MRAP2: variants seen among roughly 807,000 people sequenced by gnomAD.
The protein encoded by MRAP2 is melanocortin-2 receptor accessory protein 2.
MRAP2 carries 20 observed loss-of-function variants against 17.4 expected under a neutral mutation model. The observed-to-expected ratio is 1.15, with a 90% CI of 0.81 to 1.67. The LOEUF (loss-of-function observed/expected upper bound fraction) is 1.67. Ranked by LOEUF, MRAP2 falls within the 40% of genes most tolerant of loss-of-function variation. MRAP2 has a pLI of 0.00. For missense variants in MRAP2, 238 were observed against 240.0 expected (o/e 0.99, Z 0.05); for synonymous variants, 96 against 88.4 (o/e 1.09, Z -0.48).
chr6:84,125,107 A>AC, the MRAP2 span: 1 of 1,613,220 alleles, frequency 6.2e-7, no homozygotes, highest in Non-Finnish European at 8.5e-7. Context: ...TGCAAAAGCA[A>AC]CTGGCACAAC....
chr6:84,119,542 T>C, the MRAP2 span, among the ~76,000 whole-genome samples: 1 of 152,188 alleles, frequency 6.6e-6, no homozygotes. Flanking sequence ...CTTAAATCAT[T>C]TATGCATTGC....
At chr6:84,112,711 C>A in the MRAP2 span, among the ~76,000 whole-genome samples, 13,517 of 152,140 alleles carry the variant, frequency 0.089, 724 homozygotes, top group Middle Eastern at 0.16. Flanking sequence ...GATTTTAGAT[C>A]TTTCCTGCTT....
At chr6:84,134,594 G>C in the MRAP2 span, among the ~76,000 whole-genome samples, 1 of 152,106 alleles carries the variant, frequency 6.6e-6, no homozygotes, top group Non-Finnish European at 1.5e-5. Context: ...CCTTGGCTAG[G>C]GGAGGGAGTT....
At chr6:84,115,679 T>C in the MRAP2 span, among the ~76,000 whole-genome samples, 6 of 152,244 alleles carry the variant, frequency 3.9e-5, no homozygotes, top group South Asian at 1.2e-3. Context: ...CTGCCCAGTT[T>C]TGTGCTGGAA....
intron 1 of MRAP2, among the ~76,000 whole-genome samples, chr6:84,042,772 A>G (rs1162393281): frequency 6.6e-6 from 1 of 152,218 alleles, no homozygotes; most frequent in Non-Finnish European, 1.5e-5. Context: ...TGGAGAAACC[A>G]CAAGAGCCAC....
the MRAP2 span, among the ~76,000 whole-genome samples, chr6:84,120,508 T>A: frequency 6.6e-6 from 1 of 152,242 alleles, no homozygotes; most frequent in Non-Finnish European, 1.5e-5. Context: ...GATTAAGGAA[T>A]AGGATGTGGC....
At chr6:84,145,945 C>T in the MRAP2 span, among the ~76,000 whole-genome samples, 2 of 152,090 alleles carry the variant, frequency 1.3e-5, no homozygotes, top group African/African-American at 4.8e-5. Context: ...CATAGAAATG[C>T]CTCTTATTAG....
the MRAP2 span, among the ~76,000 whole-genome samples, chr6:84,108,958 G>A: frequency 6.6e-6 from 1 of 151,918 alleles, no homozygotes; most frequent in South Asian, 2.1e-4. Flanking sequence ...TGTTTTTGTC[G>A]TTTGTTGAAG....
the MRAP2 span, among the ~76,000 whole-genome samples, chr6:84,111,589 G>T: frequency 0.027 from 4,144 of 152,042 alleles, 172 homozygotes; most frequent in African/African-American, 0.092. Context: ...TTTGAATACC[G>T]TTTATTTCTT....
chr6:84,139,126 CTA>C, the MRAP2 span, among the ~76,000 whole-genome samples: 1 of 152,190 alleles, frequency 6.6e-6, no homozygotes, highest in Non-Finnish European at 1.5e-5. Context: ...GAAAAGCTCT[CTA>C]TCCTCCTCTT....
At chr6:84,099,206 A>G in the MRAP2 span, among the ~76,000 whole-genome samples, 2 of 137,684 alleles carry the variant, frequency 1.5e-5, no homozygotes, top group Admixed American at 1.5e-4. Flanking sequence ...TTGCTTATGG[A>G]TATCTAATCG....
intron 1 of MRAP2, among the ~76,000 whole-genome samples, chr6:84,046,785 A>G (rs1302037019): frequency 6.7e-6 from 1 of 149,796 alleles, no homozygotes; most frequent in African/African-American, 2.4e-5. Flanking sequence ...CATCTCAAAA[A>G]AAAAAAAAAA....
chr6:84,045,162 C>T (rs2099488652), intron 1 of MRAP2: 1 of 974,172 alleles, frequency 1.0e-6, no homozygotes, highest in Non-Finnish European at 1.2e-6. Flanking sequence ...TCTGAGAGGT[C>T]CTGGAACCAA....
chr6:84,100,667 T>C, the MRAP2 span, among the ~76,000 whole-genome samples: 1 of 152,230 alleles, frequency 6.6e-6, no homozygotes, highest in Non-Finnish European at 1.5e-5. Flanking sequence ...AAAAATGTGC[T>C]CTAGATCCCT....
Position 84,063,909 on chromosome 6 carries a change from G to A in MRAP2, c.227+917G>A, listed in dbSNP as rs896768220. On this transcript the variant is annotated intron_variant, in intron 3 of 3. Transcript: ENST00000257776. The stretch of plus-strand genomic sequence containing the variant: ...AAATACAAAAAATTAGCCTGTTGTG[G>A]TGGAGGGCACCTATAGTCCTAGCTA... Among the ~76,000 whole-genome samples, 16 of 151,962 alleles carry A rather than the reference G, an allele frequency of 1.1e-4. 1 individual carries two copies.
the MRAP2 span, among the ~76,000 whole-genome samples, chr6:84,133,683 C>A: frequency 2.0e-5 from 3 of 152,176 alleles, no homozygotes; most frequent in Non-Finnish European, 4.4e-5. Context: ...GATATAATGT[C>A]CTGGTGTGCT....
chr6:84,043,225 C>T (rs1406363021), intron 1 of MRAP2, among the ~76,000 whole-genome samples: 1 of 152,122 alleles, frequency 6.6e-6, no homozygotes, highest in Non-Finnish European at 1.5e-5. Context: ...TTTAATTCAC[C>T]TAGTCAGGCC....
chr6:84,086,175 T>A (rs2099500395), intron 3 of MRAP2, among the ~76,000 whole-genome samples: 1 of 152,258 alleles, frequency 6.6e-6, no homozygotes, highest in African/African-American at 2.4e-5. Flanking sequence ...TCATGCCATA[T>A]AACTTATGTG....
chr6:84,142,510 C>T, the MRAP2 span, among the ~76,000 whole-genome samples: 1 of 152,020 alleles, frequency 6.6e-6, no homozygotes, highest in African/African-American at 2.4e-5. Context: ...GAAAAAGAAG[C>T]ACTTACACAA....
Sources: allele counts gnomAD v4.1 joint callset (sites outside exome capture counted in the v4.1 genomes callset), GRCh38; gene constraint gnomAD v4.1.1; transcripts MANE v1.5; gene names NCBI Gene and HGNC (gene_info 2026-07-23, HGNC 2026-07-21).